The following B3GALT1 variants were observed in gnomAD, a reference collection of about 807,000 sequenced individuals.
The protein encoded by B3GALT1 is UDP-Gal:betaGlcNAc beta 1,3-galactosyltransferase, polypeptide 1.
B3GALT1 carries 10 observed loss-of-function variants against 23.2 expected under a neutral mutation model. That is an observed-to-expected ratio of 0.43 (90% confidence interval 0.27 to 0.73). B3GALT1 has a LOEUF of 0.73. Ranked by LOEUF, B3GALT1 falls within the 30% of genes least tolerant of loss-of-function variation. The pLI is 0.21. For synonymous variants in B3GALT1, 156 were observed against 141.5 expected (o/e 1.10, Z -0.73); for missense variants, 299 against 405.4 (o/e 0.74, Z 2.25).
At chr2:167,309,266 G>C (rs939772438) in intron 1 of B3GALT1, among the ~76,000 whole-genome samples, 4 of 151,870 alleles carry the variant, frequency 2.6e-5, no homozygotes, top group Admixed American at 1.3e-4. Context: ...CATTTGTTTT[G>C]CTTTCTTTTC....
chr2:167,380,859 A>T (rs78133516), intron 1 of B3GALT1, among the ~76,000 whole-genome samples: 15,489 of 152,052 alleles, frequency 0.1, 966 homozygotes, highest in African/African-American at 0.18. Flanking sequence ...AGATGCTATC[A>T]TGGGAGCTGT....
chr2:167,806,871 A>T (rs1688767398), intron 3 of B3GALT1, among the ~76,000 whole-genome samples: 1 of 152,152 alleles, frequency 6.6e-6, no homozygotes, highest in Admixed American at 6.5e-5. Flanking sequence ...TATTGATTAG[A>T]ATAGTTTCAG....
chr2:167,637,392 G>A (rs907790462), intron 2 of B3GALT1, among the ~76,000 whole-genome samples: 11 of 151,998 alleles, frequency 7.2e-5, no homozygotes, highest in East Asian at 1.9e-4. Context: ...ATATTTTTAC[G>A]TATTTATGGG....
Position 167,848,790 on chromosome 2 carries a change from G to A in B3GALT1, c.-229-20021G>A, listed in dbSNP as rs187988219. Among the ~76,000 whole-genome samples the A allele has an allele frequency of 1.5e-3, 232 of 152,268 alleles. 1 individual carries two copies. The highest frequency in any genetic ancestry group is 1.7e-3 in the Non-Finnish European group (118 of 68,024). ...AATGAAGGGCATCCAAATTGGTAAA[G>A]AGGAAGTCAAACTGTCATTGTTTGC... On this transcript the variant is annotated intron_variant, in intron 4 of 4. Transcript: ENST00000392690.
At chr2:167,820,791 C>A (rs1689089692) in intron 4 of B3GALT1, among the ~76,000 whole-genome samples, 1 of 152,210 alleles carries the variant, frequency 6.6e-6, no homozygotes, top group South Asian at 2.1e-4. Context: ...GAAAGATAGC[C>A]ATTATGGCTG....
intron 1 of B3GALT1, among the ~76,000 whole-genome samples, chr2:167,312,973 A>G (rs370140388): frequency 3.9e-5 from 6 of 152,114 alleles, no homozygotes; most frequent in South Asian, 2.1e-4. Context: ...TATAAAACAT[A>G]CCATTACATT....
intron 1 of B3GALT1, among the ~76,000 whole-genome samples, chr2:167,471,873 T>C (rs1699422271): frequency 6.6e-6 from 1 of 152,110 alleles, no homozygotes; most frequent in African/African-American, 2.4e-5. Flanking sequence ...CAGTGGATAA[T>C]ACAATGGCTC....
chr2:167,393,089 C>A (rs1698041160), intron 1 of B3GALT1, among the ~76,000 whole-genome samples: 1 of 151,982 alleles, frequency 6.6e-6, no homozygotes, highest in African/African-American at 2.4e-5. Context: ...AAAAAATTAG[C>A]CAGACGTGGT....
intron 3 of B3GALT1, among the ~76,000 whole-genome samples, chr2:167,757,551 C>CAT (rs1199808891): frequency 6.6e-6 from 1 of 152,138 alleles, no homozygotes; most frequent in African/African-American, 2.4e-5. Context: ...GGGAAAAAGG[C>CAT]ATAGGTACCT....
intron 2 of B3GALT1, among the ~76,000 whole-genome samples, chr2:167,572,782 G>T (rs527289994): frequency 1.3e-5 from 2 of 151,764 alleles, no homozygotes; most frequent in East Asian, 3.9e-4. Context: ...TACTCCTAAG[G>T]TGACTACCTG....
intron 1 of B3GALT1, among the ~76,000 whole-genome samples, chr2:167,426,754 A>G (rs942836002): frequency 6.6e-6 from 1 of 152,226 alleles, no homozygotes; most frequent in Non-Finnish European, 1.5e-5. Flanking sequence ...TCAAGGATGC[A>G]CATGCACTGC....
At chr2:167,449,445 G>A (rs1196283681) in intron 1 of B3GALT1, among the ~76,000 whole-genome samples, 1 of 152,090 alleles carries the variant, frequency 6.6e-6, no homozygotes, top group East Asian at 1.9e-4. Context: ...CATTAATTTT[G>A]TGTCCTGAAA....
intron 4 of B3GALT1, among the ~76,000 whole-genome samples, chr2:167,844,995 G>T (rs1689726064): frequency 6.6e-6 from 1 of 152,114 alleles, no homozygotes; most frequent in Non-Finnish European, 1.5e-5. Context: ...CTGACAACCT[G>T]CATGACTCAG....
chr2:167,411,351 C>A (rs1574068543), intron 1 of B3GALT1, among the ~76,000 whole-genome samples: 1 of 124,744 alleles, frequency 8.0e-6, no homozygotes. Flanking sequence ...GTAAGAAGCT[C>A]AAACAACTCA....
intron 2 of B3GALT1, among the ~76,000 whole-genome samples, chr2:167,614,881 G>A (rs1685130850): frequency 6.6e-6 from 1 of 151,948 alleles, no homozygotes; most frequent in Non-Finnish European, 1.5e-5. Context: ...TAGGTAGATG[G>A]TAGGTAGGTA....
chr2:167,555,380 A>C (rs920977403), intron 2 of B3GALT1, among the ~76,000 whole-genome samples: 4 of 152,208 alleles, frequency 2.6e-5, no homozygotes, highest in African/African-American at 9.6e-5. Flanking sequence ...ATAAGCTGAG[A>C]TAGAACTGCA....
intron 1 of B3GALT1, among the ~76,000 whole-genome samples, chr2:167,426,864 A>C (rs1159805998): frequency 6.6e-6 from 1 of 152,220 alleles, no homozygotes; most frequent in East Asian, 1.9e-4. Context: ...CATTGCACCC[A>C]TAGGTATATA....
chr2:167,785,811 A>G (rs1355370886), intron 3 of B3GALT1, among the ~76,000 whole-genome samples: 2 of 152,212 alleles, frequency 1.3e-5, no homozygotes, highest in African/African-American at 2.4e-5. Flanking sequence ...GGGAAGCGGC[A>G]TGCATTTTTA....
intron 2 of B3GALT1, among the ~76,000 whole-genome samples, chr2:167,595,279 T>C (rs539565513): frequency 6.6e-6 from 1 of 152,276 alleles, no homozygotes; most frequent in South Asian, 2.1e-4. Context: ...CTGGGGGTAA[T>C]AGAGCAAAAA....
Sources: gnomAD v4.1 joint callset for allele counts (sites outside exome capture counted in the v4.1 genomes callset) on GRCh38, gnomAD v4.1.1 for gene constraint, MANE v1.5 for transcripts, NCBI Gene and HGNC (gene_info 2026-07-23, HGNC 2026-07-21) for gene names.